The following TAFA1 variants were observed in gnomAD, a reference collection of about 807,000 sequenced individuals.
TAFA1 encodes chemokine-like protein TAFA-1.
In TAFA1, 4 loss-of-function variants were observed where a neutral mutation model predicts 18.5. The observed-to-expected ratio is 0.22, with a 90% CI of 0.11 to 0.49. The LOEUF is 0.49. Among genes scored for constraint, TAFA1 ranks in the 20% least tolerant of loss-of-function variants. TAFA1 has a pLI of 0.98. For missense variants in TAFA1, 147 were observed against 169.0 expected, an observed-to-expected ratio of 0.87 and a Z score of 0.72; for synonymous variants, 56 against 55.2, an observed-to-expected ratio of 1.01 and a Z score of -0.06.
intron 2 of TAFA1, among the ~76,000 whole-genome samples, chr3:68,316,867 A>C (rs2068613813): frequency 6.6e-6 from 1 of 152,202 alleles, no homozygotes; most frequent in South Asian, 2.1e-4. Flanking sequence ...GAAAAAGTAG[A>C]GACAGCATAA....
At chr3:68,298,705 A>C (rs972824969) in intron 2 of TAFA1, among the ~76,000 whole-genome samples, 2 of 152,090 alleles carry the variant, frequency 1.3e-5, no homozygotes, top group African/African-American at 4.8e-5. Flanking sequence ...TCCAGTATTC[A>C]TTCTCCTTCC....
intron 2 of TAFA1, among the ~76,000 whole-genome samples, chr3:68,409,079 A>G (rs2070664616): frequency 6.6e-6 from 1 of 152,188 alleles, no homozygotes; most frequent in African/African-American, 2.4e-5. Flanking sequence ...ACAGTAGAAT[A>G]TAACTCACAG....
At chr3:68,075,940 T>C (rs2106759883) in intron 2 of TAFA1, among the ~76,000 whole-genome samples, 1 of 152,312 alleles carries the variant, frequency 6.6e-6, no homozygotes. Flanking sequence ...CAAGCAATCC[T>C]GCTGCCTCAG....
At chr3:68,075,553 A>C (rs2064812669) in intron 2 of TAFA1, among the ~76,000 whole-genome samples, 1 of 152,206 alleles carries the variant, frequency 6.6e-6, no homozygotes, top group African/African-American at 2.4e-5. Flanking sequence ...TACTGTGAAG[A>C]AGCAGCAATT....
chr3:68,448,797 T>G (rs1013993032), intron 3 of TAFA1, among the ~76,000 whole-genome samples: 1 of 152,198 alleles, frequency 6.6e-6, no homozygotes, highest in African/African-American at 2.4e-5. Flanking sequence ...TGGGTTTTCA[T>G]TTTCTCACTG....
chr3:68,398,884 C>G (rs6767927), intron 2 of TAFA1, among the ~76,000 whole-genome samples: 4 of 151,932 alleles, frequency 2.6e-5, no homozygotes, highest in African/African-American at 9.7e-5. Context: ...TACAACTTAT[C>G]TAAAGGAATA....
intron 2 of TAFA1, among the ~76,000 whole-genome samples, chr3:68,036,838 T>C (rs1051308105): frequency 6.6e-6 from 1 of 152,214 alleles, no homozygotes; most frequent in Non-Finnish European, 1.5e-5. Flanking sequence ...GCAATTCCTC[T>C]CATTTCGTTG....
At chr3:68,222,198 C>T (rs2066739745) in intron 2 of TAFA1, among the ~76,000 whole-genome samples, 1 of 145,464 alleles carries the variant, frequency 6.9e-6, no homozygotes, top group South Asian at 2.2e-4. Context: ...AGCCTAAAAA[C>T]AGTTGATGTA....
At chr3:68,283,281 G>A (rs541718784) in intron 2 of TAFA1, among the ~76,000 whole-genome samples, 9 of 152,306 alleles carry the variant, frequency 5.9e-5, no homozygotes, top group Admixed American at 2.0e-4. Context: ...ATCTGCATAT[G>A]ACTGGAGATT....
At chr3:68,475,521 G>T (rs1396542978) in intron 3 of TAFA1, among the ~76,000 whole-genome samples, 1 of 152,210 alleles carries the variant, frequency 6.6e-6, no homozygotes, top group East Asian at 1.9e-4. Context: ...AGTATTCCAT[G>T]GTGTATATGT....
chr3:68,539,979 G>A (rs1179126839), intron 4 of TAFA1, among the ~76,000 whole-genome samples: 1 of 152,070 alleles, frequency 6.6e-6, no homozygotes, highest in Non-Finnish European at 1.5e-5. Context: ...GTATGCTGAA[G>A]TTTTATTCTA....
intron 2 of TAFA1, among the ~76,000 whole-genome samples, chr3:68,248,632 G>A (rs906162413): frequency 2.0e-5 from 3 of 151,354 alleles, no homozygotes; most frequent in Admixed American, 6.6e-5. Flanking sequence ...CTGAATGTGT[G>A]TTCAGAGCTG....
intron 3 of TAFA1, among the ~76,000 whole-genome samples, chr3:68,452,524 A>AAG (rs2071581865): frequency 6.7e-6 from 1 of 148,178 alleles, no homozygotes; most frequent in African/African-American, 2.5e-5. Flanking sequence ...CTCTCTCTCA[A>AAG]AAAAAAAAAA....
chr3:68,192,045 C>T (rs955814901), intron 2 of TAFA1, among the ~76,000 whole-genome samples: 9 of 151,710 alleles, frequency 5.9e-5, no homozygotes, highest in Non-Finnish European at 8.8e-5. Flanking sequence ...TTTCTAAAGT[C>T]CCGCCTACAT....
At position 68,544,648 on chromosome 3, in the gene TAFA1, GT is replaced by G; in HGVS notation, c.*146del. Reference sequence around the variant, plus strand: ...CAGATAATCACAGTGCGTTTACTGTGTGTAACGAAATATCCTACAGTGAGAA... The same window carrying G: ...CAGATAATCACAGTGCGTTTACTGTGGTAACGAAATATCCTACAGTGAGAA... On this transcript the variant is annotated 3_prime_UTR_variant, in exon 5 of 5. Transcript: ENST00000478136. 1.3e-6 allele frequency: 1 copy of G among 784,880 alleles called. No homozygotes were observed. Among genetic ancestry groups the G allele is most frequent in the Admixed American group, 2.4e-5 (1 of 41,596 alleles). The allele number at this position is 784,880 out of a possible 1,614,324, so 48.6% of individuals were successfully genotyped here. A position where few individuals can be genotyped will look rare whatever the true frequency, so the allele number is the denominator to read the frequency against.
At chr3:68,211,732 A>G (rs2066599566) in intron 2 of TAFA1, among the ~76,000 whole-genome samples, 2 of 152,074 alleles carry the variant, frequency 1.3e-5, no homozygotes, top group Non-Finnish European at 1.5e-5. Flanking sequence ...AGGTGAAGGG[A>G]GCTGGTGTGT....
Position 68,227,757 on chromosome 3 carries a change from G to A in TAFA1, c.119-189523G>A, listed in dbSNP as rs115063851. Among the ~76,000 whole-genome samples the A allele has an allele frequency of 1.6e-3, 243 of 152,266 alleles. 2 individuals carry two copies. The highest frequency in any genetic ancestry group is 5.1e-3 in the African/African-American group (211 of 41,558). ...CTCTATACAGATCTGGCTTGAATCC[G>A]TGGTGAATTCCCAAACAGGGTGTGA... On this transcript the variant is annotated intron_variant, in intron 2 of 4. Transcript: ENST00000478136.
intron 2 of TAFA1, among the ~76,000 whole-genome samples, chr3:68,190,897 G>C (rs1386176993): frequency 2.0e-5 from 3 of 151,736 alleles, no homozygotes; most frequent in African/African-American, 7.3e-5. Context: ...AAATAAAAAA[G>C]TATCCATCCT....
chr3:68,508,347 G>A (rs2072793887), intron 3 of TAFA1, among the ~76,000 whole-genome samples: 1 of 151,812 alleles, frequency 6.6e-6, no homozygotes, highest in African/African-American at 2.4e-5. Context: ...ATAACTACCT[G>A]AAAAAAATCT....
Sources: allele counts gnomAD v4.1 joint callset (sites outside exome capture counted in the v4.1 genomes callset), GRCh38; gene constraint gnomAD v4.1.1; transcripts MANE v1.5; gene names NCBI Gene and HGNC (gene_info 2026-07-23, HGNC 2026-07-21).